The following SPON1 variants were observed in gnomAD, a reference collection of about 807,000 sequenced individuals.
SPON1 encodes the protein spondin-1.
SPON1 carries 52 observed loss-of-function variants against 111.7 expected under a neutral mutation model. The ratio of observed to expected loss-of-function variants is 0.47; its 90% CI spans 0.37 to 0.59. SPON1 has a LOEUF of 0.59. Among genes scored for constraint, SPON1 ranks in the 20% least tolerant of loss-of-function variants. The pLI is 0.00. For missense variants in SPON1, 957 were observed against 1,068.5 expected, an observed-to-expected ratio of 0.90 and a Z score of 1.46; for synonymous variants, 410 against 395.8, an observed-to-expected ratio of 1.04 and a Z score of -0.43.
At chr11:14,039,051 G>A (rs1450395400) in intron 2 of SPON1, among the ~76,000 whole-genome samples, 5 of 152,194 alleles carry the variant, frequency 3.3e-5, no homozygotes, top group African/African-American at 1.2e-4. Flanking sequence ...AAAATACAGA[G>A]AGGAAACTTA....
intron 3 of SPON1, among the ~76,000 whole-genome samples, chr11:14,069,259 G>T (rs1186265781): frequency 6.6e-6 from 1 of 151,996 alleles, no homozygotes; most frequent in Non-Finnish European, 1.5e-5. Flanking sequence ...TGGTTGGGGG[G>T]ATTAAATGAG....
intron 3 of SPON1, among the ~76,000 whole-genome samples, chr11:14,067,019 A>T (rs1325778912): frequency 1.3e-5 from 2 of 152,136 alleles, no homozygotes; most frequent in Non-Finnish European, 2.9e-5. Flanking sequence ...CCAAAAAAAA[A>T]TGTAAAAAGC....
In SPON1 at chr11:14,266,106, T is replaced by G. The variant is rs1849264587; in HGVS notation, c.*419T>G. 6.3e-6 allele frequency: 1 copy of G among 158,910 alleles called. No individual in the cohort carries two copies. The allele number at this position is 158,910 out of a possible 1,614,324, so 9.8% of individuals were successfully genotyped here. ...ACAGCAGATTCCCCACATTCTCATC[T>G]TTGGCCTGTTCAATGAAACCATTGT... On this transcript the variant is annotated 3_prime_UTR_variant, in exon 16 of 16. Transcript: ENST00000576479.
At chr11:14,132,153 C>T (rs1554927568) in intron 5 of SPON1, among the ~76,000 whole-genome samples, 1 of 152,092 alleles carries the variant, frequency 6.6e-6, no homozygotes, top group African/African-American at 2.4e-5. Context: ...TGGCGGACGC[C>T]TGTAATCCCA....
At position 13,963,333 on chromosome 11, in the gene SPON1, C is replaced by A. The variant is rs1317137196; in HGVS notation, c.238+191C>A. On this transcript the variant is annotated intron_variant, in intron 1 of 15. Coordinates refer to ENST00000576479, the MANE Select transcript of SPON1 (RefSeq NM_006108.4). The stretch of plus-strand genomic sequence containing the variant: ...TCGGCGCGGATCATAATCCAGCGTC[C>A]CGGGCCGTCGCGGGGGCCGCAGCCA... Among the ~76,000 whole-genome samples the A allele has an allele frequency of 4.6e-5, 7 of 152,294 alleles. No individual in the cohort carries two copies. In the East Asian group the frequency reaches 1.4e-3, roughly 30 times the overall value.
At chr11:14,233,758 C>CTTTTTT (rs10610600) in intron 6 of SPON1, among the ~76,000 whole-genome samples, 350 of 96,688 alleles carry the variant, frequency 3.6e-3, no homozygotes, top group East Asian at 6.2e-3. Flanking sequence ...GTTTCTTTTT[C>CTTTTTT]TTTTTTTTTT....
intron 6 of SPON1, among the ~76,000 whole-genome samples, chr11:14,238,379 T>C (rs1338954245): frequency 6.6e-6 from 1 of 151,942 alleles, no homozygotes; most frequent in African/African-American, 2.4e-5. Context: ...GAAGACAAAG[T>C]CAAAAAGTTA....
At chr11:14,245,453 TATA>T (rs1279450499) in intron 7 of SPON1, among the ~76,000 whole-genome samples, 1 of 152,126 alleles carries the variant, frequency 6.6e-6, no homozygotes, top group Non-Finnish European at 1.5e-5. Flanking sequence ...ATATATAAAA[TATA>T]ATGTCATCAT....
At chr11:14,263,482 C>T (rs1266792166) in intron 15 of SPON1, among the ~76,000 whole-genome samples, 1 of 152,112 alleles carries the variant, frequency 6.6e-6, no homozygotes, top group East Asian at 1.9e-4. Flanking sequence ...ACAAGGCAGC[C>T]GTGGCCTGAG....
intron 5 of SPON1, among the ~76,000 whole-genome samples, chr11:14,091,284 G>C (rs980985801): frequency 4.3e-4 from 65 of 152,340 alleles, no homozygotes; most frequent in African/African-American, 1.5e-3. Context: ...TCCCGCACCG[G>C]GGCTGCAGGT....
chr11:14,147,702 C>G (rs1222526937), intron 6 of SPON1, among the ~76,000 whole-genome samples: 2 of 152,010 alleles, frequency 1.3e-5, no homozygotes, highest in Non-Finnish European at 2.9e-5. Context: ...TAGGCATGAG[C>G]CACCACGGCT....
At chr11:14,217,592 A>G (rs1317245631) in intron 6 of SPON1, among the ~76,000 whole-genome samples, 16 of 152,198 alleles carry the variant, frequency 1.1e-4, no homozygotes, top group Non-Finnish European at 5.9e-5. Context: ...TGTATTAAAA[A>G]GAAAGAAAAA....
intron 6 of SPON1, among the ~76,000 whole-genome samples, chr11:14,175,071 A>C (rs1294144058): frequency 6.6e-6 from 1 of 152,150 alleles, no homozygotes; most frequent in Non-Finnish European, 1.5e-5. Flanking sequence ...ATAAATGGCA[A>C]AGTTACACAA....
chr11:14,109,854 T>C (rs1358931837), intron 5 of SPON1, among the ~76,000 whole-genome samples: 2 of 152,168 alleles, frequency 1.3e-5, no homozygotes, highest in Non-Finnish European at 2.9e-5. Flanking sequence ...AACTTTTTTC[T>C]TCTCTGTGGG....
intron 8 of SPON1, 58 bp downstream of exon 8, chr11:14,254,787 C>T: frequency 6.5e-7 from 1 of 1,538,654 alleles, no homozygotes; most frequent in Non-Finnish European, 8.9e-7. Flanking sequence ...TCCTGAGTGT[C>T]CTGGACACAG....
chr11:13,982,249 GCAT>G (rs1202745081), intron 1 of SPON1, among the ~76,000 whole-genome samples: 2 of 152,042 alleles, frequency 1.3e-5, no homozygotes, highest in African/African-American at 4.8e-5. Context: ...ATGATTTCAG[GCAT>G]CCATTTGGGG....
chr11:13,985,413 G>A (rs1160424833), intron 2 of SPON1, among the ~76,000 whole-genome samples: 1 of 152,210 alleles, frequency 6.6e-6, no homozygotes, highest in Non-Finnish European at 1.5e-5. Flanking sequence ...GTGACATGAT[G>A]AGGTAAGCAT....
chr11:14,196,271 C>G (rs1401499229), intron 6 of SPON1, among the ~76,000 whole-genome samples: 1 of 152,098 alleles, frequency 6.6e-6, no homozygotes, highest in Non-Finnish European at 1.5e-5. Flanking sequence ...ATAGAGAAAT[C>G]TACAGAAACA....
chr11:14,052,615 C>A (rs1277923801), intron 3 of SPON1, among the ~76,000 whole-genome samples: 1 of 152,150 alleles, frequency 6.6e-6, no homozygotes, highest in African/African-American at 2.4e-5. Flanking sequence ...AAGACCAATG[C>A]CATGGCTAAA....
Sources: allele counts gnomAD v4.1 joint callset (sites outside exome capture counted in the v4.1 genomes callset), GRCh38; gene constraint gnomAD v4.1.1; transcripts MANE v1.5; gene names NCBI Gene and HGNC (gene_info 2026-07-23, HGNC 2026-07-21).